ASB18: variants seen among roughly 807,000 people sequenced by gnomAD.
The protein encoded by ASB18 is ankyrin repeat and SOCS box protein 18.
In ASB18, 33 loss-of-function variants were observed where a neutral mutation model predicts 33.4. That is an observed-to-expected ratio of 0.99 (90% CI 0.75 to 1.32). The LOEUF (loss-of-function observed/expected upper bound fraction) is 1.32, where lower values mean the gene tolerates loss of function less well. Among genes scored for constraint, ASB18 ranks in the 40% most tolerant of loss-of-function variants. The pLI, the probability that ASB18 is intolerant of heterozygous loss-of-function variation, is 0.00. For missense variants in ASB18, 694 were observed against 655.5 expected, an observed-to-expected ratio of 1.06 and a Z score of -0.64; for synonymous variants, 295 against 307.6, an observed-to-expected ratio of 0.96 and a Z score of 0.43.
Position 236,193,673 on chromosome 2 carries a change from G to A in ASB18, c.*1199C>T, listed in dbSNP as rs2060357815. Among the ~76,000 whole-genome samples, 1 of 152,196 alleles carries A rather than the reference G, an allele frequency of 6.6e-6. No individual in the cohort carries two copies. Reference sequence around the variant, plus strand: ...TAGCCGGGCGTGCTGGCACATGCCTGTTATCCCAGCTACCAGGAAGGCTGA... The same window carrying A: ...TAGCCGGGCGTGCTGGCACATGCCTATTATCCCAGCTACCAGGAAGGCTGA... On this transcript the variant is annotated 3_prime_UTR_variant, in exon 6 of 6. Transcript: ENST00000409749. This position sits in a 1 kb window ranked among gnomAD's most constrained non-coding sequence, Gnocchi z 5.0.
In ASB18 at chr2:236,226,106, T is replaced by C. The variant is rs1181170317; in HGVS notation, c.597-11240A>G. Among the ~76,000 whole-genome samples, 1 of 152,220 alleles carries C rather than the reference T, an allele frequency of 6.6e-6. No individual in the cohort carries two copies. The highest frequency in any genetic ancestry group is 1.5e-5 in the Non-Finnish European group (1 of 68,046). ...GCCAGACCTCCTCAGAGTATGACTT[T>C]AGGGGGACTCTTTAGAGCTGAAAAG... On this transcript the variant is annotated intron_variant, in intron 3 of 5. Coordinates refer to ENST00000409749, the MANE Select transcript of ASB18 (RefSeq NM_212556.4). This position sits in a 1 kb window ranked among gnomAD's most constrained non-coding sequence, Gnocchi z 4.8.
rs2060486478 is a variant in ASB18 at position 236,216,093 on chromosome 2, T to G, written c.597-1227A>C. On this transcript the variant is annotated intron_variant, in intron 3 of 5. Coordinates refer to ENST00000409749, the MANE Select transcript of ASB18 (RefSeq NM_212556.4). The surrounding 1 kb of genome is among the most constrained non-coding windows in gnomAD (Gnocchi z 6.1). The stretch of plus-strand genomic sequence containing the variant: ...CATCCCCTACTCAAATGGCCGAATC[T>G]TCAAGCCGGAGTCCATTCTTCACCC... 1.3e-5 allele frequency among the ~76,000 whole-genome samples: 2 copies of G among 152,198 alleles called. No homozygotes were observed. Among genetic ancestry groups the G allele is most frequent in the Non-Finnish European group, 2.9e-5 (2 of 68,032 alleles).
chr2:236,227,549 A>G (rs2060546300), intron 3 of ASB18, among the ~76,000 whole-genome samples: 3 of 152,204 alleles, frequency 2.0e-5, no homozygotes, highest in South Asian at 4.1e-4. Flanking sequence ...AACTTGTCCA[A>G]TGTTGCACAG....
chr2:236,261,457 C>T (rs1024158086), intron 1 of ASB18, among the ~76,000 whole-genome samples: 4 of 152,310 alleles, frequency 2.6e-5, no homozygotes, highest in East Asian at 1.9e-4. Context: ...AACGTCTGAC[C>T]GTGTTGCTCC....
Position 236,196,310 on chromosome 2 carries a change from C to T in ASB18, c.1177G>A (p.Glu393Lys), listed in dbSNP as rs756667427. Residue 393 changes from glutamate (E) to lysine (K), a missense_variant, in exon 5 of 6, where the codon GAG (glutamate) becomes AAG (lysine). By Grantham distance (56) the Glu-to-Lys change is moderately conservative. Transcript: ENST00000409749. The surrounding 1 kb of genome is among the most constrained non-coding windows in gnomAD (Gnocchi z 5.6). ...TCAGGAATCACTTCCTTCCAGGACTCTGACAAGCAGAGCTGAGGGTAGGAG... is the reference window on the plus strand; with the variant it reads ...TCAGGAATCACTTCCTTCCAGGACTTTGACAAGCAGAGCTGAGGGTAGGAG... ...FNSYPQLCLS[E>K]SWKEVIPEEV... is the part of the protein sequence containing the mutation. The T allele has an allele frequency of 6.4e-7, 1 of 1,563,664 alleles. No individual in the cohort carries two copies. Among genetic ancestry groups the T allele is most frequent in the Non-Finnish European group, 8.7e-7 (1 of 1,153,258 alleles).
In ASB18 at chr2:236,221,437, G is replaced by A. The variant is rs972882987; in HGVS notation, c.597-6571C>T. On this transcript the variant is annotated intron_variant, in intron 3 of 5. Transcript: ENST00000409749. The surrounding 1 kb of genome is among the most constrained non-coding windows in gnomAD (Gnocchi z 5.6). ...TTCCCATGTGTTGTGGGAGGGACCC[G>A]GTGGGAGATAATTGAATCATGGGGG... 3.3e-5 allele frequency among the ~76,000 whole-genome samples: 5 copies of A among 152,118 alleles called. No homozygotes were observed. Among genetic ancestry groups the A allele is most frequent in the African/African-American group, 1.2e-4 (5 of 41,414 alleles).
Position 236,218,059 on chromosome 2 carries a change from T to C in ASB18, c.597-3193A>G, listed in dbSNP as rs933128687. Among the ~76,000 whole-genome samples, 3 of 152,226 alleles carry C rather than the reference T, an allele frequency of 2.0e-5. No individual in the cohort carries two copies. In the East Asian group the frequency reaches 5.8e-4, roughly 29 times the overall value. ...CTCTAAAGAAGTCCACAGGGAAATA[T>C]GACCAGTCCCCTTTTCCACGTGCAC... is the stretch of plus-strand genomic sequence containing the variant. On this transcript the variant is annotated intron_variant, in intron 3 of 5. Coordinates refer to ENST00000409749, the MANE Select transcript of ASB18 (RefSeq NM_212556.4).
chr2:236,236,367 G>A (rs2060588755), intron 3 of ASB18, among the ~76,000 whole-genome samples: 1 of 152,192 alleles, frequency 6.6e-6, no homozygotes, highest in Admixed American at 6.5e-5. Context: ...GGGATGGAGA[G>A]TGAGAAAGGG....
rs534848301 is a variant in ASB18 at position 236,216,377 on chromosome 2, C to T, written c.597-1511G>A. ...CCCTCACCTGCCTGCCTTCTGCAAA[C>T]ACATCTGTTTCAACACTGATTAGAA... On this transcript the variant is annotated intron_variant, in intron 3 of 5. Transcript: ENST00000409749. The surrounding 1 kb of genome is among the most constrained non-coding windows in gnomAD (Gnocchi z 6.1). Among the ~76,000 whole-genome samples the T allele has an allele frequency of 1.3e-4, 20 of 152,232 alleles. No homozygotes were observed. Among genetic ancestry groups the T allele is most frequent in the Non-Finnish European group, 2.6e-4 (18 of 68,040 alleles).
intron 1 of ASB18, among the ~76,000 whole-genome samples, chr2:236,242,317 C>T (rs905384794): frequency 6.6e-6 from 1 of 152,134 alleles, no homozygotes; most frequent in African/African-American, 2.4e-5. Flanking sequence ...AGAGAGGCCT[C>T]TTGGCTGCCC....
chr2:236,243,079 C>T (rs1423972894), intron 1 of ASB18, among the ~76,000 whole-genome samples: 2 of 147,260 alleles, frequency 1.4e-5, no homozygotes, highest in African/African-American at 5.1e-5. Context: ...GCCTGTAATC[C>T]CAGCACTTTG....
rs1487986592 is a variant in ASB18 at position 236,252,309 on chromosome 2, A to C, written c.206-10907T>G. ...CACACACACACACACACACACACAC[A>C]GTAGAAATCCTTGCCTTTAAGGAGT... On this transcript the variant is annotated intron_variant, in intron 1 of 5. Coordinates refer to ENST00000409749, the MANE Select transcript of ASB18 (RefSeq NM_212556.4). This position sits in a 1 kb window ranked among gnomAD's most constrained non-coding sequence, Gnocchi z 7.9. Among the ~76,000 whole-genome samples the C allele has an allele frequency of 1.8e-4, 27 of 148,934 alleles. No individual in the cohort carries two copies. Among genetic ancestry groups the C allele is most frequent in the Admixed American group, 1.8e-3 (27 of 15,052 alleles).
chr2:236,203,168 C>T lies in ASB18; in HGVS notation c.1102-6783G>A, dbSNP rs965195680. Among the ~76,000 whole-genome samples the T allele has an allele frequency of 1.3e-5, 2 of 152,202 alleles. No homozygotes were observed. Among genetic ancestry groups the T allele is most frequent in the South Asian group, 2.1e-4 (1 of 4,816 alleles). Reference sequence around the variant, plus strand: ...GTGTTATGTCTGCATGTTATGATGGCCAGCTCCACCTTCACAGAGCTTTAC... The same window carrying T: ...GTGTTATGTCTGCATGTTATGATGGTCAGCTCCACCTTCACAGAGCTTTAC... On this transcript the variant is annotated intron_variant, in intron 4 of 5. Transcript: ENST00000409749. The surrounding 1 kb of genome is among the most constrained non-coding windows in gnomAD (Gnocchi z 6.0).
In ASB18 at chr2:236,219,586, A is replaced by C. The variant is rs200163128; in HGVS notation, c.597-4720T>G. Among the ~76,000 whole-genome samples, 4 of 152,314 alleles carry C rather than the reference A, an allele frequency of 2.6e-5. No individual in the cohort carries two copies. In the East Asian group the frequency reaches 7.7e-4, roughly 29 times the overall value. On this transcript the variant is annotated intron_variant, in intron 3 of 5. Coordinates refer to ENST00000409749, the MANE Select transcript of ASB18 (RefSeq NM_212556.4). The surrounding 1 kb of genome is among the most constrained non-coding windows in gnomAD (Gnocchi z 6.4). ...CAGGACCCAGGCCCATCCTTGAAACACTATCATTTCAATCCCTCCTATCAA... is the reference window on the plus strand; with the variant it reads ...CAGGACCCAGGCCCATCCTTGAAACCCTATCATTTCAATCCCTCCTATCAA...
rs1486069281 is a variant in ASB18 at position 236,214,242 on chromosome 2, G to C, written c.1101+120C>G. On this transcript the variant is annotated intron_variant, in intron 4 of 5. Coordinates refer to ENST00000409749, the MANE Select transcript of ASB18 (RefSeq NM_212556.4). The surrounding 1 kb of genome is among the most constrained non-coding windows in gnomAD (Gnocchi z 6.5). ...CAGAGCAGATTCTGCATTTTCACAA[G>C]TCCCCAGGGGTGCCTGGGCCATTAC... The C allele has an allele frequency of 9.6e-6, 10 of 1,040,774 alleles. No individual in the cohort carries two copies. The highest frequency in any genetic ancestry group is 1.2e-5 in the Non-Finnish European group (9 of 750,002). The allele number at this position is 1,040,774 out of a possible 1,614,324, so 64.5% of individuals were successfully genotyped here. A position where few individuals can be genotyped will look rare whatever the true frequency, so the allele number is the denominator to read the frequency against.
Position 236,204,086 on chromosome 2 carries a change from T to G in ASB18, c.1102-7701A>C, listed in dbSNP as rs1160873117. 6.8e-6 allele frequency among the ~76,000 whole-genome samples: 1 copy of G among 147,616 alleles called. No individual in the cohort carries two copies. On this transcript the variant is annotated intron_variant, in intron 4 of 5. Transcript: ENST00000409749. The surrounding 1 kb of genome is among the most constrained non-coding windows in gnomAD (Gnocchi z 5.1). Reference sequence around the variant, plus strand: ...TATTTAGGGGGAAGAGTGGGGAGAATCTGGGGATGGATTTCCCCCTTCCTG... The same window carrying G: ...TATTTAGGGGGAAGAGTGGGGAGAAGCTGGGGATGGATTTCCCCCTTCCTG...
At position 236,195,948 on chromosome 2, in the gene ASB18, C is replaced by T; in HGVS notation, c.1215+324G>A. ...ACTCACAGGGCCGGATTAGTATGTC[C>T]TGACGTGGAGCTAGGCCCGTGGATT... is the stretch of plus-strand genomic sequence containing the variant. On this transcript the variant is annotated intron_variant, in intron 5 of 5. Transcript: ENST00000409749. This position sits in a 1 kb window ranked among gnomAD's most constrained non-coding sequence, Gnocchi z 5.5. 2.6e-6 allele frequency: 1 copy of T among 384,772 alleles called. No individual in the cohort carries two copies. The highest frequency in any genetic ancestry group is 3.6e-5 in the Admixed American group (1 of 27,422). The allele number at this position is 384,772 out of a possible 1,614,324, so 23.8% of individuals were successfully genotyped here. A position where few individuals can be genotyped will look rare whatever the true frequency, so the allele number is the denominator to read the frequency against.
At chr2:236,243,247 G>A (rs2060630250) in intron 1 of ASB18, among the ~76,000 whole-genome samples, 1 of 148,528 alleles carries the variant, frequency 6.7e-6, no homozygotes, top group Non-Finnish European at 1.5e-5. Flanking sequence ...AGAGAATGGC[G>A]TGAACCCAGG....
rs767807430 is a variant in ASB18 at position 236,222,136 on chromosome 2, C to T, written c.597-7270G>A. ...CAGCTCCACGACTTTGATGGAGGAG[C>T]GGTTCCACTTTATTTCCCTGGACCT... is the stretch of plus-strand genomic sequence containing the variant. On this transcript the variant is annotated intron_variant, in intron 3 of 5. Coordinates refer to ENST00000409749, the MANE Select transcript of ASB18 (RefSeq NM_212556.4). The surrounding 1 kb of genome is among the most constrained non-coding windows in gnomAD (Gnocchi z 5.5). Among the ~76,000 whole-genome samples, 11 of 152,188 alleles carry T rather than the reference C, an allele frequency of 7.2e-5. No homozygotes were observed. Among genetic ancestry groups the T allele is most frequent in the African/African-American group, 1.9e-4 (8 of 41,442 alleles).
Sources: allele counts gnomAD v4.1 joint callset (sites outside exome capture counted in the v4.1 genomes callset), GRCh38; gene constraint gnomAD v4.1.1; non-coding constraint Gnocchi (gnomAD v3.1); transcripts MANE v1.5; gene names NCBI Gene and HGNC (gene_info 2026-07-23, HGNC 2026-07-21).